Variants in PTCH1 observed in about 807,000 individuals in gnomAD.
PTCH1 encodes the protein patched 1.
In PTCH1, 14 loss-of-function variants were observed where a neutral mutation model predicts 144.6. That is an observed-to-expected ratio of 0.10 (90% CI 0.06 to 0.15). The LOEUF is 0.15. Among genes scored for constraint, PTCH1 ranks in the 10% least tolerant of loss-of-function variants. The probability of loss-of-function intolerance (pLI) is 1.00; values close to 1 mark genes in which losing one functional copy is unlikely to be tolerated. For missense variants in PTCH1, 1,623 were observed against 1,948.3 expected (o/e 0.83, Z 3.14); for synonymous variants, 833 against 793.6 (o/e 1.05, Z -0.83).
At chr9:95,489,532 G>A (rs1250217316) in intron 2 of PTCH1, among the ~76,000 whole-genome samples, 1 of 151,968 alleles carries the variant, frequency 6.6e-6, no homozygotes. Context: ...ATTTTTTTGG[G>A]TAGATACGGG....
chr9:95,447,236 G>C lies in PTCH1; in HGVS notation c.4020C>G (p.Gly1340=), dbSNP rs773564643. 3.7e-6 allele frequency: 6 copies of C among 1,611,456 alleles called. No individual in the cohort carries two copies. The highest frequency in any genetic ancestry group is 5.1e-6 in the Non-Finnish European group (6 of 1,178,606). Reference sequence around the variant, plus strand: ...GGTTGTGAGAACGGGCCCCGCGAGGGCCCCAGCGGGCCCTATTGCTAGGGC... The same window carrying C: ...GGTTGTGAGAACGGGCCCCGCGAGGCCCCCAGCGGGCCCTATTGCTAGGGC... The part of the protein sequence containing the change: ...HSGPSNRARW[G]PRGARSHNPR... Residue 1340 remains glycine (G), a synonymous_variant, in exon 23 of 24, where the codon GGC becomes GGG. Transcript: ENST00000331920.
Position 95,468,996 on chromosome 9 carries a change from C to T in PTCH1, c.2005G>A (p.Asp669Asn), listed in dbSNP as rs772574714. The change falls in exon 14 of 24, where the codon GAC (aspartate) becomes AAC (asparagine). Residue 669 changes from aspartate to asparagine, a missense_variant. Coordinates refer to ENST00000331920, the MANE Select transcript of PTCH1 (RefSeq NM_000264.5). ...QSTVQLRTEYDPHTHVYYTTA... is the reference protein window; with the variant it reads ...QSTVQLRTEYNPHTHVYYTTA... ...GTGTAGTACACGTGCGTGTGGGGGT[C>T]GTACTCCGTGCGGAGCTGGACAGTG... 6.2e-6 allele frequency: 10 copies of T among 1,613,780 alleles called. No individual in the cohort carries two copies. Among genetic ancestry groups the T allele is most frequent in the African/African-American group, 4.0e-5 (3 of 74,828 alleles).
chr9:95,446,365 G>A lies in PTCH1; in HGVS notation c.*28C>T. 1.9e-6 allele frequency: 1 copy of A among 518,586 alleles called. No individual in the cohort carries two copies. The highest frequency in any genetic ancestry group is 1.4e-5 in the South Asian group (1 of 71,346). 32.1% of individuals were successfully genotyped at this position (518,586 alleles called of 1,614,324 possible). A position where few individuals can be genotyped will look rare whatever the true frequency, so the allele number is the denominator to read the frequency against. On this transcript the variant is annotated 3_prime_UTR_variant, in exon 24 of 24. Coordinates refer to ENST00000331920, the MANE Select transcript of PTCH1 (RefSeq NM_000264.5). The stretch of plus-strand genomic sequence containing the variant: ...GGGGGTGGGGGGTTTCCAATCTTTG[G>A]CCTCTTTGCTTCAGATTTTAATCAC...
intron 12 of PTCH1, chr9:95,474,280 TA>T (rs1447717182): frequency 1.3e-5 from 4 of 306,096 alleles, no homozygotes; most frequent in African/African-American, 8.7e-5. Context: ...GTCCCATGAC[TA>T]AAAGACTCTA....
chr9:95,450,153 C>G, intron 20 of PTCH1: 1 of 597,512 alleles, frequency 1.7e-6, no homozygotes, highest in Non-Finnish European at 3.0e-6. Flanking sequence ...CATTCCACAA[C>G]CCAAAGTGTT....
chr9:95,482,962 T>G (rs1841668883), intron 3 of PTCH1: 1 of 152,444 alleles, frequency 6.6e-6, no homozygotes, highest in African/African-American at 2.4e-5. Context: ...CTTTAAAAAT[T>G]AGCTGGGCGC....
At chr9:95,459,870 G>T in intron 16 of PTCH1, 87 bp from the exon 17 acceptor site, 1 of 1,394,136 alleles carries the variant, frequency 7.2e-7, no homozygotes, top group Non-Finnish European at 1.0e-6. Context: ...GCTGAGCTTC[G>T]CACAGCATTA....
At position 95,485,690 on chromosome 9, in the gene PTCH1, G is replaced by A. The variant is rs1333346461; in HGVS notation, c.579C>T (p.Tyr193=). The A allele has an allele frequency of 1.2e-6, 2 of 1,613,944 alleles. No homozygotes were observed. The highest frequency in any genetic ancestry group is 1.7e-6 in the Non-Finnish European group (2 of 1,179,982). Residue 193 remains tyrosine, a synonymous_variant, in exon 3 of 24, where the codon TAC becomes TAT. Transcript: ENST00000331920. The part of the protein sequence containing the change: ...LQASRVHVYM[Y]NRQWKLEHLC... Reference sequence around the variant, plus strand: ...GTGGACGCGGCGGGCCTTACCTGTTGTACATGTATACATGGACACGGCTGG... The same window carrying A: ...GTGGACGCGGCGGGCCTTACCTGTTATACATGTATACATGGACACGGCTGG...
intron 15 of PTCH1, among the ~76,000 whole-genome samples, chr9:95,462,998 C>G (rs1839651290): frequency 6.7e-6 from 1 of 149,910 alleles, no homozygotes; most frequent in Non-Finnish European, 1.5e-5. Flanking sequence ...CCCCCTCCCC[C>G]CACCCACCCT....
At chr9:95,457,444 T>C (rs901179185) in intron 18 of PTCH1, among the ~76,000 whole-genome samples, 4 of 152,222 alleles carry the variant, frequency 2.6e-5, no homozygotes, top group African/African-American at 9.6e-5. Context: ...TCACAGAATT[T>C]AAACATTGCC....
At position 95,480,011 on chromosome 9, in the gene PTCH1, A is replaced by G. The variant is rs1841403085; in HGVS notation, c.1025T>C (p.Ile342Thr). The G allele has an allele frequency of 1.2e-6, 2 of 1,613,966 alleles. No homozygotes were observed. The highest frequency in any genetic ancestry group is 1.7e-5 in the Admixed American group (1 of 59,996). Residue 342 changes from isoleucine to threonine, a missense_variant, in exon 7 of 24, where the codon ATT becomes ACT. By Grantham distance (89) the Ile-to-Thr change is moderately conservative. Coordinates refer to ENST00000331920, the MANE Select transcript of PTCH1 (RefSeq NM_000264.5). ...RKYMHWQEEL[I>T]VGGTVKNSTG... ...GCTGTTCTTGACTGTGCCACCCACA[A>G]TCAACTCCTCCTGCCAGTGCATATA...
rs142636961 is a variant in PTCH1, at chr9:95,494,538, A to C, written c.395-8664T>G. On this transcript the variant is annotated intron_variant, in intron 2 of 23. Transcript: ENST00000331920. ...GAACAGCGTACTTTCCAAGCTGGGAACTGTCCCAGGTTCTACCACAACCTC... is the reference window on the plus strand; with the variant it reads ...GAACAGCGTACTTTCCAAGCTGGGACCTGTCCCAGGTTCTACCACAACCTC... The C allele has an allele frequency of 9.2e-4, 773 of 843,868 alleles. 1 individual carries two copies. Among genetic ancestry groups the C allele is most frequent in the Admixed American group, 1.8e-3 (29 of 16,110 alleles). The allele number at this position is 843,868 out of a possible 1,614,324, so 52.3% of individuals were successfully genotyped here. A position where few individuals can be genotyped will look rare whatever the true frequency, so the allele number is the denominator to read the frequency against.
At chr9:95,491,511 C>A (rs1842408870) in intron 2 of PTCH1, among the ~76,000 whole-genome samples, 1 of 152,230 alleles carries the variant, frequency 6.6e-6, no homozygotes, top group African/African-American at 2.4e-5. Flanking sequence ...GCCTTTGTCA[C>A]AGAGCATTGT....
chr9:95,494,192 T>G lies in PTCH1; in HGVS notation c.395-8318A>C, dbSNP rs577438633. 4.0e-4 allele frequency: 394 copies of G among 985,170 alleles called. 4 individuals carry two copies. In the South Asian group the frequency reaches 8.6e-3, roughly 22 times the overall value. 61.0% of individuals were successfully genotyped at this position (985,170 alleles called of 1,614,324 possible). On this transcript the variant is annotated intron_variant, in intron 2 of 23. Transcript: ENST00000331920. ...AGCAAGCTTCCCCGCCCCCACCAGC[T>G]GCTGGCAGTGCCATCTGTTATCAGC...
Position 95,516,622 on chromosome 9 carries a change from C to T in PTCH1, c.-151G>A, listed in dbSNP as rs1359862173. 13 of 1,608,418 alleles carry T rather than the reference C, an allele frequency of 8.1e-6. No homozygotes were observed. The Admixed American group carries it at 8.5e-5, about 11-fold the overall frequency. On this transcript the variant is annotated 5_prime_UTR_variant, in exon 1 of 23. Transcript: ENST00000430669. The stretch of plus-strand genomic sequence containing the variant: ...CCAGTCTTCCCTCGTCTCCCCCTTG[C>T]CTTGTCGCTGCGGGTCTCTTTGTCT...
In PTCH1 at chr9:95,485,759, C is replaced by G. The variant is rs531730217; in HGVS notation, c.510G>C (p.Leu170=). The part of the protein sequence containing the change: ...QTPKEEGANV[L]TTEALLQHLD... ...GGTGTTGTAGGAGCGCTTCTGTGGTCAGGACATTAGCACCTTCTTCTTTAG... is the reference window on the plus strand; with the variant it reads ...GGTGTTGTAGGAGCGCTTCTGTGGTGAGGACATTAGCACCTTCTTCTTTAG... The change falls in exon 3 of 24, where the codon CTG becomes CTC. Residue 170 remains leucine, a synonymous_variant. Coordinates refer to ENST00000331920, the MANE Select transcript of PTCH1 (RefSeq NM_000264.5). 3.1e-6 allele frequency: 5 copies of G among 1,614,188 alleles called. No homozygotes were observed. Among genetic ancestry groups the G allele is most frequent in the Non-Finnish European group, 4.2e-6 (5 of 1,180,034 alleles).
chr9:95,480,282 C>T, intron 6 of PTCH1, 108 bp downstream of exon 6: 1 of 1,541,592 alleles, frequency 6.5e-7, no homozygotes, highest in South Asian at 1.2e-5. Flanking sequence ...CAAAGACGAT[C>T]ATGGAGAATG....
Position 95,476,251 on chromosome 9 carries a change from C to A in PTCH1, c.1603-92G>T. The stretch of plus-strand genomic sequence containing the variant: ...TGAGCAGATACGTGGCAGAATAACA[C>A]AACTGTTATTACAGCTTATCATGCT... On this transcript the variant is annotated intron_variant, in intron 11 of 23. Transcript: ENST00000331920. The surrounding 1 kb of genome is among the most constrained non-coding windows in gnomAD (Gnocchi z 4.6). The A allele has an allele frequency of 6.6e-7, 1 of 1,507,104 alleles. No individual in the cohort carries two copies. 93.4% of individuals were successfully genotyped at this position (1,507,104 alleles called of 1,614,324 possible). A position where few individuals can be genotyped will look rare whatever the true frequency, so the allele number is the denominator to read the frequency against.
At chr9:95,494,691 G>C (rs546403761) in intron 2 of PTCH1, among the ~76,000 whole-genome samples, 7 of 152,256 alleles carry the variant, frequency 4.6e-5, no homozygotes, top group African/African-American at 1.4e-4. Context: ...CCACACTCCA[G>C]CAGCAGCAGG....
Sources: allele counts gnomAD v4.1 joint callset (sites outside exome capture counted in the v4.1 genomes callset), GRCh38; gene constraint gnomAD v4.1.1; non-coding constraint Gnocchi (gnomAD v3.1); transcripts MANE v1.5; gene names NCBI Gene and HGNC (gene_info 2026-07-23, HGNC 2026-07-21).